The following TMEM272 variants were observed in gnomAD, a reference collection of about 807,000 sequenced individuals.
TMEM272 encodes the protein long intergenic non-protein coding RNA 282.
Under a neutral mutation model 3.7 loss-of-function variants are expected in TMEM272, and 8 were observed. The ratio of observed to expected loss-of-function variants is 2.17; its 90% CI spans 1.27 to 3.91. The LOEUF is 3.91. TMEM272 is among the 30% of genes most tolerant of loss of function. TMEM272 has a pLI of 0.00. For synonymous variants in TMEM272, 63 were observed against 39.8 expected (o/e 1.58, Z -2.20); for missense variants, 166 against 91.5 (o/e 1.81, Z -3.32).
intron 4 of TMEM272, among the ~76,000 whole-genome samples, chr13:51,818,137 T>C (rs55649476): frequency 0.044 from 6,707 of 152,116 alleles, 265 homozygotes; most frequent in Admixed American, 0.13. Context: ...CCCCTAACCC[T>C]GGAGAGCAGG....
chr13:51,862,684 A>G, the TMEM272 span, among the ~76,000 whole-genome samples: 2 of 152,170 alleles, frequency 1.3e-5, no homozygotes, highest in African/African-American at 4.8e-5. Context: ...TGGAGGAGGT[A>G]TCTGAGTGCT....
At chr13:51,863,611 A>G in the TMEM272 span, among the ~76,000 whole-genome samples, 1 of 151,718 alleles carries the variant, frequency 6.6e-6, no homozygotes. Context: ...GACTGGATGG[A>G]TGGTGATGCC....
At chr13:51,838,806 A>G (rs1238810239) in intron 1 of TMEM272, among the ~76,000 whole-genome samples, 1 of 152,160 alleles carries the variant, frequency 6.6e-6, no homozygotes, top group Admixed American at 6.5e-5. Context: ...CCAGGAAGAC[A>G]CAGGCCTGGA....
At chr13:51,905,158 G>A in the TMEM272 span, among the ~76,000 whole-genome samples, 3 of 152,196 alleles carry the variant, frequency 2.0e-5, no homozygotes, top group Non-Finnish European at 4.4e-5. Flanking sequence ...AACAGAGAAC[G>A]GCCCTAAGCA....
chr13:51,847,131 A>G (rs564470541), upstream of TMEM272, among the ~76,000 whole-genome samples: 32 of 152,336 alleles, frequency 2.1e-4, no homozygotes, highest in African/African-American at 7.7e-4. Flanking sequence ...GTTTAGATAC[A>G]CAAATACTTA....
chr13:51,825,095 T>C (rs914639325), intron 3 of TMEM272, among the ~76,000 whole-genome samples: 1 of 152,220 alleles, frequency 6.6e-6, no homozygotes, highest in African/African-American at 2.4e-5. Flanking sequence ...TGAACTCTTC[T>C]TGGAAGAACA....
chr13:51,829,186 T>C (rs1296935586), intron 2 of TMEM272, among the ~76,000 whole-genome samples: 2 of 152,216 alleles, frequency 1.3e-5, no homozygotes, highest in Admixed American at 6.5e-5. Flanking sequence ...ACATATGAGT[T>C]AAATGCTCTT....
chr13:51,872,615 G>C, the TMEM272 span, among the ~76,000 whole-genome samples: 1 of 152,188 alleles, frequency 6.6e-6, no homozygotes, highest in Non-Finnish European at 1.5e-5. Flanking sequence ...TGGAATTTCA[G>C]AATACTGGGA....
the TMEM272 span, among the ~76,000 whole-genome samples, chr13:51,859,973 G>T: frequency 2.0e-5 from 3 of 151,810 alleles, no homozygotes; most frequent in African/African-American, 7.3e-5. Flanking sequence ...GCTCACTGCA[G>T]CTCGACCTCC....
At chr13:51,835,211 A>C (rs572701218) in intron 2 of TMEM272, among the ~76,000 whole-genome samples, 109 of 144,698 alleles carry the variant, frequency 7.5e-4, no homozygotes, top group Non-Finnish European at 1.4e-3. Flanking sequence ...AATAAAAATA[A>C]AACTTTTATT....
At chr13:51,921,649 C>T in the TMEM272 span, 2 of 152,466 alleles carry the variant, frequency 1.3e-5, no homozygotes, top group Admixed American at 1.3e-4. Flanking sequence ...GTCCTTTGCT[C>T]ACCCAGGCCA....
chr13:51,869,787 C>T, the TMEM272 span, among the ~76,000 whole-genome samples: 2,138 of 152,268 alleles, frequency 0.014, 54 homozygotes, highest in African/African-American at 0.049. Flanking sequence ...CGCGCCTGGC[C>T]TCAATTCAGT....
At chr13:51,865,370 T>TC in the TMEM272 span, 1 of 1,573,888 alleles carries the variant, frequency 6.4e-7, no homozygotes, top group Non-Finnish European at 8.6e-7. Flanking sequence ...AAGGGTCCTG[T>TC]CATCCCTCAT....
the TMEM272 span, among the ~76,000 whole-genome samples, chr13:51,870,961 A>T: frequency 6.6e-6 from 1 of 152,182 alleles, no homozygotes; most frequent in Non-Finnish European, 1.5e-5. Flanking sequence ...ATTGCAGAAG[A>T]TGGTGGTATC....
the TMEM272 span, among the ~76,000 whole-genome samples, chr13:51,893,084 T>C: frequency 6.6e-6 from 1 of 152,230 alleles, no homozygotes; most frequent in East Asian, 1.9e-4. Flanking sequence ...ACACACTCCT[T>C]AAACATCCAC....
chr13:51,834,775 AG>A (rs539822005), intron 2 of TMEM272, among the ~76,000 whole-genome samples: 146 of 152,314 alleles, frequency 9.6e-4, no homozygotes, highest in African/African-American at 3.4e-3. Context: ...ACCCCCTGAC[AG>A]GTGCAACAGC....
intron 3 of TMEM272, among the ~76,000 whole-genome samples, chr13:51,823,806 C>T (rs1488978941): frequency 6.6e-6 from 1 of 152,200 alleles, no homozygotes; most frequent in Non-Finnish European, 1.5e-5. Context: ...ACACCATATT[C>T]CATTGAAATG....
chr13:51,838,567 A>C lies in TMEM272; in HGVS notation c.-23-14T>G, dbSNP rs1956235321. On this transcript the variant is annotated splice_polypyrimidine_tract_variant and intron_variant, in intron 1 of 4. Transcript: ENST00000629372. ...GCTGACAAAGTTCTGAGGATCAAAAATAATTCATTAGAAAGGATGGTGGAA... is the reference window on the plus strand; with the variant it reads ...GCTGACAAAGTTCTGAGGATCAAAACTAATTCATTAGAAAGGATGGTGGAA... 1.4e-6 allele frequency: 1 copy of C among 702,954 alleles called. No homozygotes were observed. The highest frequency in any genetic ancestry group is 1.7e-5 in the African/African-American group (1 of 57,278). The allele number at this position is 702,954 out of a possible 1,614,324, so 43.5% of individuals were successfully genotyped here. A position where few individuals can be genotyped will look rare whatever the true frequency, so the allele number is the denominator to read the frequency against.
chr13:51,849,207 C>T (rs1956320503), upstream of TMEM272, among the ~76,000 whole-genome samples: 1 of 152,192 alleles, frequency 6.6e-6, no homozygotes, highest in Non-Finnish European at 1.5e-5. Flanking sequence ...CTGACCCATG[C>T]TGCAAACTTG....
Sources: allele counts gnomAD v4.1 joint callset (sites outside exome capture counted in the v4.1 genomes callset), GRCh38; gene constraint gnomAD v4.1.1; transcripts MANE v1.5; gene names NCBI Gene and HGNC (gene_info 2026-07-23, HGNC 2026-07-21).